ITGB8: variants seen among roughly 807,000 people sequenced by gnomAD.
ITGB8 encodes the protein integrin beta-8.
Under a neutral mutation model 89.5 loss-of-function variants are expected in ITGB8, and 30 were observed. That is an observed-to-expected ratio of 0.34 (90% confidence interval 0.25 to 0.45). The LOEUF (loss-of-function observed/expected upper bound fraction) is 0.45. ITGB8 is among the 20% of genes least tolerant of loss of function. The probability of loss-of-function intolerance (pLI) is 1.00; values close to 1 mark genes in which losing one functional copy is unlikely to be tolerated. For synonymous variants in ITGB8, 335 were observed against 320.4 expected (o/e 1.05, Z -0.49); for missense variants, 836 against 933.3 (o/e 0.90, Z 1.36).
intron 3 of ITGB8, among the ~76,000 whole-genome samples, chr7:20,375,460 A>G (rs945070912): frequency 2.0e-5 from 3 of 152,212 alleles, no homozygotes; most frequent in Non-Finnish European, 2.9e-5. Flanking sequence ...CTTCACATTT[A>G]CTTGTATTCC....
intron 6 of ITGB8, among the ~76,000 whole-genome samples, chr7:20,386,359 C>T (rs1227072586): frequency 3.3e-5 from 5 of 151,306 alleles, no homozygotes; most frequent in African/African-American, 1.2e-4. Context: ...CTGCCTCAGC[C>T]TCCCGAGTAG....
intron 1 of ITGB8, among the ~76,000 whole-genome samples, chr7:20,335,168 A>G (rs777696296): frequency 2.6e-5 from 4 of 152,182 alleles, no homozygotes; most frequent in Non-Finnish European, 5.9e-5. Context: ...TAAAAATACT[A>G]CTGGAGGAGG....
chr7:20,406,309 G>T lies in ITGB8; in HGVS notation c.2023+138G>T, dbSNP rs533680567. On this transcript the variant is annotated intron_variant, in intron 12 of 13. Coordinates refer to ENST00000222573, the MANE Select transcript of ITGB8 (RefSeq NM_002214.3). ...CTCACACCTGTAATCCCAGCATTTT[G>T]GGAGGCCAAGGCGGGTGGATCACCT... The T allele has an allele frequency of 1.6e-4, 93 of 592,422 alleles. 4 individuals carry two copies. The Middle Eastern group carries it at 0.013, about 80-fold the overall frequency. The allele number at this position is 592,422 out of a possible 1,614,324, so 36.7% of individuals were successfully genotyped here.
chr7:20,366,537 G>C (rs745781058), intron 2 of ITGB8: 2 of 153,568 alleles, frequency 1.3e-5, no homozygotes, highest in Non-Finnish European at 1.4e-5. Context: ...GGCCGAGGCA[G>C]GCAGATCACC....
intron 1 of ITGB8, among the ~76,000 whole-genome samples, chr7:20,338,763 T>C (rs867860802): frequency 2.1e-4 from 32 of 152,376 alleles, no homozygotes; most frequent in African/African-American, 7.5e-4. Flanking sequence ...TTTTAATAAC[T>C]AAATCCCTTT....
intron 1 of ITGB8, among the ~76,000 whole-genome samples, chr7:20,359,172 A>G (rs1490264188): frequency 2.0e-5 from 3 of 149,528 alleles, no homozygotes; most frequent in African/African-American, 7.4e-5. Flanking sequence ...AAGGCAGTAC[A>G]TTTTTTTTTT....
chr7:20,331,700 A>T lies in ITGB8; in HGVS notation c.-107A>T. 1 of 1,333,332 alleles carries T rather than the reference A, an allele frequency of 7.5e-7. No individual in the cohort carries two copies. Among genetic ancestry groups the T allele is most frequent in the East Asian group, 2.7e-5 (1 of 37,404 alleles). 82.6% of individuals were successfully genotyped at this position (1,333,332 alleles called of 1,614,324 possible). ...GGTCCGCCTGCTAGGCCTGCGGAAA[A>T]CGTCCTAGCGACACTCGGCCCGCGG... On this transcript the variant is annotated 5_prime_UTR_variant, in exon 1 of 14. Coordinates refer to ENST00000222573, the MANE Select transcript of ITGB8 (RefSeq NM_002214.3).
intron 1 of ITGB8, among the ~76,000 whole-genome samples, chr7:20,342,678 A>T (rs1253821152): frequency 2.8e-5 from 4 of 145,050 alleles, no homozygotes; most frequent in East Asian, 4.0e-4. Context: ...TTTTTCATTC[A>T]TTTTTTTTTT....
chr7:20,354,389 C>T (rs1193919068), intron 1 of ITGB8, among the ~76,000 whole-genome samples: 2 of 152,120 alleles, frequency 1.3e-5, no homozygotes, highest in African/African-American at 2.4e-5. Context: ...TAAAACTTTA[C>T]ATTTATTCTG....
At chr7:20,374,085 A>AAAGGCAT (rs887953036) in intron 3 of ITGB8, among the ~76,000 whole-genome samples, 1 of 152,192 alleles carries the variant, frequency 6.6e-6, no homozygotes, top group African/African-American at 2.4e-5. Context: ...TAGAATCTCA[A>AAAGGCAT]AAGGCATGAG....
chr7:20,377,120 T>C (rs1786183107), intron 3 of ITGB8, among the ~76,000 whole-genome samples: 1 of 152,218 alleles, frequency 6.6e-6, no homozygotes, highest in Non-Finnish European at 1.5e-5. Context: ...CTTTTGCTGA[T>C]GCTGTACAGG....
chr7:20,386,216 G>A (rs1786608620), intron 6 of ITGB8, among the ~76,000 whole-genome samples: 2 of 149,920 alleles, frequency 1.3e-5, no homozygotes, highest in Admixed American at 1.3e-4. Flanking sequence ...TGAATGATCT[G>A]CTTCAAATTG....
At chr7:20,343,622 C>A (rs1269386818) in intron 1 of ITGB8, among the ~76,000 whole-genome samples, 1 of 152,190 alleles carries the variant, frequency 6.6e-6, no homozygotes, top group Non-Finnish European at 1.5e-5. Flanking sequence ...TTATTACAAT[C>A]TCAAAATTCC....
intron 8 of ITGB8, 101 bp from the exon 9 acceptor site, chr7:20,398,759 A>T: frequency 1.3e-6 from 1 of 761,280 alleles, no homozygotes; most frequent in Non-Finnish European, 1.9e-6. Flanking sequence ...TCTTTGATCT[A>T]GTTAAAATTA....
At chr7:20,383,398 C>T (rs1446282461) in intron 6 of ITGB8, among the ~76,000 whole-genome samples, 1 of 152,146 alleles carries the variant, frequency 6.6e-6, no homozygotes, top group Non-Finnish European at 1.5e-5. Context: ...CCTACTTCTA[C>T]TTAGTCATTT....
chr7:20,402,064 A>G lies in ITGB8; in HGVS notation c.1625A>G (p.Tyr542Cys), dbSNP rs1472594910. The G allele has an allele frequency of 6.2e-7, 1 of 1,614,154 alleles. No homozygotes were observed. The highest frequency in any genetic ancestry group is 8.5e-7 in the Non-Finnish European group (1 of 1,179,986). Residue 542 changes from tyrosine (Y) to cysteine (C), a missense_variant, in exon 10 of 14, where the codon TAT (tyrosine) becomes TGT (cysteine). By Grantham distance (194) the Tyr-to-Cys change is radical. Transcript: ENST00000222573. Reference sequence around the variant, plus strand: ...CACAAAATTAAGCTTGGAAAAGTGTATGGAAAATACTGTGAAAAGGATGAC... The same window carrying G: ...CACAAAATTAAGCTTGGAAAAGTGTGTGGAAAATACTGTGAAAAGGATGAC... ...SCHKIKLGKV[Y>C]GKYCEKDDFS...
chr7:20,393,944 AGTGAAGAAATT>A (rs1786967113), intron 7 of ITGB8, among the ~76,000 whole-genome samples: 1 of 152,210 alleles, frequency 6.6e-6, no homozygotes, highest in Admixed American at 6.5e-5. Context: ...TACAGTGTTT[AGTGAAGAAATT>A]GTCATTTATA....
chr7:20,348,989 A>C (rs901851966), intron 1 of ITGB8, among the ~76,000 whole-genome samples: 1 of 152,236 alleles, frequency 6.6e-6, no homozygotes. Context: ...TTCATAACAC[A>C]GTACCAATAT....
chr7:20,411,480 G>C lies in ITGB8; in HGVS notation c.*1483G>C, dbSNP rs1157259388. ...GCTAATTCTCCTTTTTAGTGAGTTAGGGAACTGAGCCTCAGAAAACTTAAA... is the reference window on the plus strand; with the variant it reads ...GCTAATTCTCCTTTTTAGTGAGTTACGGAACTGAGCCTCAGAAAACTTAAA... On this transcript the variant is annotated 3_prime_UTR_variant, in exon 14 of 14. Coordinates refer to ENST00000222573, the MANE Select transcript of ITGB8 (RefSeq NM_002214.3). 1 of 152,500 alleles carries C rather than the reference G, an allele frequency of 6.6e-6. No homozygotes were observed. The highest frequency in any genetic ancestry group is 1.5e-5 in the Non-Finnish European group (1 of 68,028). The allele number at this position is 152,500 out of a possible 1,614,324, so 9.4% of individuals were successfully genotyped here.
Sources: allele counts gnomAD v4.1 joint callset (sites outside exome capture counted in the v4.1 genomes callset), GRCh38; gene constraint gnomAD v4.1.1; transcripts MANE v1.5; gene names NCBI Gene and HGNC (gene_info 2026-07-23, HGNC 2026-07-21).